Variants in IMMP2L observed in about 807,000 individuals in gnomAD.
IMMP2L encodes mitochondrial inner membrane protease subunit 2.
A neutral mutation model predicts 19.3 loss-of-function variants in IMMP2L; 18 were observed. The ratio of observed to expected loss-of-function variants is 0.93; its 90% CI spans 0.64 to 1.38. The LOEUF is 1.38. Among genes scored for constraint, IMMP2L ranks in the 40% most tolerant of loss-of-function variants. IMMP2L has a pLI of 0.00. For synonymous variants in IMMP2L, 76 were observed against 73.0 expected (o/e 1.04, Z -0.21); for missense variants, 233 against 218.2 (o/e 1.07, Z -0.43).
intron 3 of IMMP2L, among the ~76,000 whole-genome samples, chr7:111,371,836 A>G (rs1584840916): frequency 6.6e-6 from 1 of 152,234 alleles, no homozygotes; most frequent in East Asian, 1.9e-4. Context: ...GAAGCAAAAC[A>G]AAACAAACAT....
At chr7:111,398,952 C>T (rs1417063950) in intron 3 of IMMP2L, among the ~76,000 whole-genome samples, 1 of 149,934 alleles carries the variant, frequency 6.7e-6, no homozygotes, top group Non-Finnish European at 1.5e-5. Flanking sequence ...AGGAAAACTA[C>T]AAAATGCTGC....
chr7:111,026,297 A>C (rs1472336258), intron 3 of IMMP2L, among the ~76,000 whole-genome samples: 1 of 152,150 alleles, frequency 6.6e-6, no homozygotes, highest in African/African-American at 2.4e-5. Context: ...GAAGTTAATG[A>C]TATCTTTTTG....
chr7:110,820,294 G>A (rs1205315870), intron 5 of IMMP2L, among the ~76,000 whole-genome samples: 17 of 152,032 alleles, frequency 1.1e-4, no homozygotes, highest in Admixed American at 1.1e-3. Context: ...TTATCACAGT[G>A]TTTTGTGTGC....
Position 111,479,837 on chromosome 7 carries a change from T to C in IMMP2L, c.239+7401A>G, listed in dbSNP as rs1475960337. Among the ~76,000 whole-genome samples the C allele has an allele frequency of 5.3e-4, 81 of 152,110 alleles. 1 individual carries two copies. The highest frequency in any genetic ancestry group is 5.3e-3 in the Admixed American group (81 of 15,270). ...TATAATTTTGTTCTTTGAAAACTTATAGTTACCTCTCAAAGGATATAAAAT... is the reference window on the plus strand; with the variant it reads ...TATAATTTTGTTCTTTGAAAACTTACAGTTACCTCTCAAAGGATATAAAAT... On this transcript the variant is annotated intron_variant, in intron 3 of 5. Coordinates refer to ENST00000405709, the MANE Select transcript of IMMP2L (RefSeq NM_032549.4).
intron 3 of IMMP2L, among the ~76,000 whole-genome samples, chr7:111,166,135 A>T (rs1805789979): frequency 6.6e-6 from 1 of 152,004 alleles, no homozygotes; most frequent in South Asian, 2.1e-4. Context: ...TAATAATGGA[A>T]GGATTATTAT....
At chr7:111,182,184 CA>C (rs1242081922) in intron 3 of IMMP2L, among the ~76,000 whole-genome samples, 1 of 151,954 alleles carries the variant, frequency 6.6e-6, no homozygotes, top group African/African-American at 2.4e-5. Flanking sequence ...AACTGTCCAT[CA>C]CTTTAACATC....
chr7:110,833,748 T>G (rs77960157), intron 5 of IMMP2L, among the ~76,000 whole-genome samples: 6,931 of 152,278 alleles, frequency 0.046, 522 homozygotes, highest in African/African-American at 0.16. Context: ...ATTTCAATGG[T>G]AACTCAGCTG....
intron 3 of IMMP2L, among the ~76,000 whole-genome samples, chr7:111,003,089 C>CATTATTGTT (rs1456121121): frequency 6.6e-6 from 1 of 152,088 alleles, no homozygotes; most frequent in Non-Finnish European, 1.5e-5. Flanking sequence ...TTTCTGCTAG[C>CATTATTGTT]ATTATTGTTA....
At chr7:111,282,045 T>C (rs755727993) in intron 3 of IMMP2L, among the ~76,000 whole-genome samples, 2 of 152,150 alleles carry the variant, frequency 1.3e-5, no homozygotes, top group African/African-American at 2.4e-5. Context: ...GAGAAAATAA[T>C]TGGGAATTGC....
Position 111,263,268 on chromosome 7 carries a change from G to A in IMMP2L, c.239+223970C>T, listed in dbSNP as rs115412632. 9.1e-3 allele frequency among the ~76,000 whole-genome samples: 1,381 copies of A among 152,222 alleles called. 25 individuals carry two copies. Among genetic ancestry groups the A allele is most frequent in the African/African-American group, 0.032 (1,321 of 41,538 alleles). On this transcript the variant is annotated intron_variant, in intron 3 of 5. Transcript: ENST00000405709. ...AGGTTAAAGATGTTGGTGGCTGGGA[G>A]AGGTAAAGTTAGTGAGAAGTACCTG...
At chr7:111,539,208 A>AGG (rs1291310513) in intron 1 of IMMP2L, among the ~76,000 whole-genome samples, 5,756 of 44,930 alleles carry the variant, frequency 0.13, 866 homozygotes, top group East Asian at 0.14. Context: ...GAAAGAAAGA[A>AGG]AGAAAGAAAG....
intron 3 of IMMP2L, among the ~76,000 whole-genome samples, chr7:111,374,262 A>G (rs1830492866): frequency 6.6e-6 from 1 of 152,100 alleles, no homozygotes; most frequent in South Asian, 2.1e-4. Context: ...GTCAATATTC[A>G]TGTAATAAAA....
intron 5 of IMMP2L, among the ~76,000 whole-genome samples, chr7:110,801,623 C>A (rs1465511799): frequency 6.6e-6 from 1 of 152,050 alleles, no homozygotes; most frequent in African/African-American, 2.4e-5. Context: ...AATGTGAAAT[C>A]AACTTCACTC....
chr7:111,237,210 C>T (rs1814435148), intron 3 of IMMP2L, among the ~76,000 whole-genome samples: 1 of 152,052 alleles, frequency 6.6e-6, no homozygotes, highest in Admixed American at 6.6e-5. Flanking sequence ...TAATTCCTTG[C>T]TTTGAAGCTA....
intron 2 of IMMP2L, among the ~76,000 whole-genome samples, chr7:111,502,575 A>T (rs1309476984): frequency 6.6e-6 from 1 of 152,130 alleles, no homozygotes; most frequent in African/African-American, 2.4e-5. Context: ...TTGGAAGTAA[A>T]GCACTCCTCA....
Position 111,214,328 on chromosome 7 carries a change from C to CTTTTTTTTT in IMMP2L, c.240-250764_240-250763insAAAAAAAAA, listed in dbSNP as rs1484229556. Among the ~76,000 whole-genome samples, 68 of 85,104 alleles carry CTTTTTTTTT rather than the reference C, an allele frequency of 8.0e-4. 14 individuals carry two copies. The highest frequency in any genetic ancestry group is 1.1e-3 in the South Asian group (3 of 2,700). The allele number at this position is 85,104 out of a possible 152,430, so 55.8% of individuals were successfully genotyped here. A position where few individuals can be genotyped will look rare whatever the true frequency, so the allele number is the denominator to read the frequency against. ...GTGAATGAATGACAAAGTAATTTTT[C>CTTTTTTTTT]TTCTTTTTTTTTTTTTTTTTTTTTT... On this transcript the variant is annotated intron_variant, in intron 3 of 5. Transcript: ENST00000405709.
At chr7:111,060,331 A>G (rs1793908080) in intron 3 of IMMP2L, among the ~76,000 whole-genome samples, 1 of 152,204 alleles carries the variant, frequency 6.6e-6, no homozygotes, top group South Asian at 2.1e-4. Flanking sequence ...TATACAAGAA[A>G]CCACATTATT....
chr7:110,706,483 T>C (rs922533939), intron 5 of IMMP2L, among the ~76,000 whole-genome samples: 2 of 152,158 alleles, frequency 1.3e-5, no homozygotes, highest in Admixed American at 6.5e-5. Context: ...CAACAGTGTA[T>C]AAGCATTGCC....
At chr7:110,830,036 A>G (rs555853398) in intron 5 of IMMP2L, among the ~76,000 whole-genome samples, 57 of 152,310 alleles carry the variant, frequency 3.7e-4, no homozygotes, top group African/African-American at 1.3e-3. Flanking sequence ...GGCTGGGGCA[A>G]GTCACATATG....
Sources: allele counts gnomAD v4.1 joint callset (sites outside exome capture counted in the v4.1 genomes callset), GRCh38; gene constraint gnomAD v4.1.1; transcripts MANE v1.5; gene names NCBI Gene and HGNC (gene_info 2026-07-23, HGNC 2026-07-21).